ZBTB20: variants seen among roughly 807,000 people sequenced by gnomAD.
The protein encoded by ZBTB20 is zinc finger and BTB domain-containing protein 20.
ZBTB20 carries 9 observed loss-of-function variants against 56.9 expected under a neutral mutation model. That is an observed-to-expected ratio of 0.16 (90% CI 0.10 to 0.28). ZBTB20 has a LOEUF of 0.28. Among genes scored for constraint, ZBTB20 ranks in the 10% least tolerant of loss-of-function variants. The pLI is 1.00. For missense variants in ZBTB20, 655 were observed against 1,003.0 expected (o/e 0.65, Z 4.69); for synonymous variants, 417 against 420.7 (o/e 0.99, Z 0.11).
intron 6 of ZBTB20, among the ~76,000 whole-genome samples, chr3:114,509,422 T>TGTGGTGGTG (rs199590803): frequency 6.7e-6 from 1 of 150,082 alleles, no homozygotes; most frequent in East Asian, 2.0e-4. Context: ...TGTGTGTGTG[T>TGTGGTGGTG]GTGGTGGTGG....
chr3:114,441,900 A>G (rs1576777815), intron 7 of ZBTB20, among the ~76,000 whole-genome samples: 1 of 152,070 alleles, frequency 6.6e-6, no homozygotes, highest in Non-Finnish European at 1.5e-5. Context: ...AAACCAAAAC[A>G]AAAAAAACCA....
chr3:114,410,770 A>G (rs180983351), intron 7 of ZBTB20, among the ~76,000 whole-genome samples: 1 of 152,256 alleles, frequency 6.6e-6, no homozygotes, highest in East Asian at 1.9e-4. Flanking sequence ...ATCAGGCTCT[A>G]TAGCTAACTA....
At chr3:114,986,782 T>G (rs2078564656) in intron 2 of ZBTB20, among the ~76,000 whole-genome samples, 1 of 152,146 alleles carries the variant, frequency 6.6e-6, no homozygotes, top group South Asian at 2.1e-4. Context: ...ACAATTAAAC[T>G]AAAATTTAGT....
chr3:114,424,797 GGC>G (rs1343253659), intron 7 of ZBTB20, among the ~76,000 whole-genome samples: 1 of 152,100 alleles, frequency 6.6e-6, no homozygotes, highest in Non-Finnish European at 1.5e-5. Flanking sequence ...AGCAAGGCAT[GGC>G]ACATCTTTTG....
intron 4 of ZBTB20, among the ~76,000 whole-genome samples, chr3:114,835,457 G>A (rs1370125212): frequency 6.6e-6 from 1 of 152,106 alleles, no homozygotes; most frequent in African/African-American, 2.4e-5. Context: ...CCTGCTGTGA[G>A]TTTGTGGCAT....
intron 2 of ZBTB20, among the ~76,000 whole-genome samples, chr3:115,027,876 A>T (rs1162703800): frequency 1.3e-5 from 2 of 150,868 alleles, no homozygotes; most frequent in Non-Finnish European, 3.0e-5. Flanking sequence ...AAGGTTCCAG[A>T]AACAGGTGGT....
intron 7 of ZBTB20, among the ~76,000 whole-genome samples, chr3:114,473,296 T>G (rs1420180782): frequency 6.6e-6 from 1 of 152,186 alleles, no homozygotes; most frequent in Non-Finnish European, 1.5e-5. Flanking sequence ...TTCAAATACT[T>G]TAAAAATATA....
Position 114,339,915 on chromosome 3 carries a change from G to T in ZBTB20, c.1805-489C>A, listed in dbSNP as rs2079632843. 6.6e-6 allele frequency among the ~76,000 whole-genome samples: 1 copy of T among 152,190 alleles called. No individual in the cohort carries two copies. The highest frequency in any genetic ancestry group is 1.5e-5 in the Non-Finnish European group (1 of 68,038). ...GGTCACTATAGCTTGGTTCCTTGGG[G>T]TAAGTCCCCACTTCTAGTAGTCTAA... On this transcript the variant is annotated intron_variant, in intron 11 of 11. Coordinates refer to ENST00000675478, the MANE Select transcript of ZBTB20 (RefSeq NM_001348800.3). The surrounding 1 kb of genome is among the most constrained non-coding windows in gnomAD (Gnocchi z 4.2).
chr3:114,887,589 A>C (rs948066450), intron 4 of ZBTB20, among the ~76,000 whole-genome samples: 1 of 152,188 alleles, frequency 6.6e-6, no homozygotes, highest in African/African-American at 2.4e-5. Flanking sequence ...ATAGTGCCAA[A>C]AGCCAAAGAA....
At chr3:114,705,570 C>T (rs2063668136) in intron 5 of ZBTB20, among the ~76,000 whole-genome samples, 1 of 152,182 alleles carries the variant, frequency 6.6e-6, no homozygotes, top group East Asian at 1.9e-4. Context: ...TTCTTCCTCT[C>T]TTGGCACAAC....
At chr3:114,468,968 T>G (rs1252827815) in intron 7 of ZBTB20, among the ~76,000 whole-genome samples, 2 of 130,852 alleles carry the variant, frequency 1.5e-5, no homozygotes, top group Non-Finnish European at 3.1e-5. Context: ...CACATGTGGA[T>G]GCAGATCTAA....
chr3:114,623,005 C>T (rs2058426977), intron 6 of ZBTB20, among the ~76,000 whole-genome samples: 1 of 152,200 alleles, frequency 6.6e-6, no homozygotes, highest in Non-Finnish European at 1.5e-5. Context: ...TGCTGCCACA[C>T]AATCGAATGC....
chr3:114,715,355 T>C (rs1285388685), intron 5 of ZBTB20, among the ~76,000 whole-genome samples: 1 of 152,182 alleles, frequency 6.6e-6, no homozygotes, highest in Admixed American at 6.5e-5. Flanking sequence ...GTCATACCTT[T>C]TTCCCCTCCG....
chr3:114,409,696 T>C (rs1458936272), intron 7 of ZBTB20, among the ~76,000 whole-genome samples: 37 of 152,136 alleles, frequency 2.4e-4, no homozygotes, highest in Admixed American at 2.4e-3. Context: ...AAATCAAAGC[T>C]ATGTTTTTTA....
chr3:114,461,243 C>A (rs1373839018), intron 7 of ZBTB20, among the ~76,000 whole-genome samples: 1 of 150,978 alleles, frequency 6.6e-6, no homozygotes, highest in African/African-American at 2.4e-5. Context: ...TAACAGAGGT[C>A]AGAAAAAAGA....
intron 7 of ZBTB20, among the ~76,000 whole-genome samples, chr3:114,408,932 G>GCCGT (rs1480783506): frequency 6.6e-6 from 1 of 151,992 alleles, no homozygotes; most frequent in Admixed American, 6.6e-5. Context: ...GCGCTCGTCC[G>GCCGT]CCGTCCGCTC....
chr3:114,910,294 C>T (rs1339144857), intron 3 of ZBTB20, among the ~76,000 whole-genome samples: 1 of 150,402 alleles, frequency 6.6e-6, no homozygotes, highest in Non-Finnish European at 1.5e-5. Flanking sequence ...TACACACACA[C>T]ATGCACGCGT....
chr3:114,894,140 A>G (rs557356492), intron 4 of ZBTB20, among the ~76,000 whole-genome samples: 2 of 152,248 alleles, frequency 1.3e-5, no homozygotes, highest in Admixed American at 6.5e-5. Flanking sequence ...ACGGGATGCT[A>G]GGTTCAAATA....
chr3:115,010,582 T>C (rs2079659308), intron 2 of ZBTB20, among the ~76,000 whole-genome samples: 1 of 151,876 alleles, frequency 6.6e-6, no homozygotes. Context: ...AGAACCACAG[T>C]GTTATTAGGC....
Sources: gnomAD v4.1 joint callset for allele counts (sites outside exome capture counted in the v4.1 genomes callset) on GRCh38, gnomAD v4.1.1 for gene constraint, Gnocchi (gnomAD v3.1) non-coding constraint, MANE v1.5 for transcripts, NCBI Gene and HGNC (gene_info 2026-07-23, HGNC 2026-07-21) for gene names.